CDC42BPA: variants seen among roughly 807,000 people sequenced by gnomAD.
CDC42BPA encodes serine/threonine-protein kinase MRCK alpha.
In CDC42BPA, 80 loss-of-function variants were observed where a neutral mutation model predicts 223.5. The ratio of observed to expected loss-of-function variants is 0.36; its 90% CI spans 0.30 to 0.43. The LOEUF (loss-of-function observed/expected upper bound fraction) is 0.43. Among genes scored for constraint, CDC42BPA ranks in the 20% least tolerant of loss-of-function variants. CDC42BPA has a pLI of 1.00. For missense variants in CDC42BPA, 1,743 were observed against 2,099.9 expected (o/e 0.83, Z 3.32); for synonymous variants, 694 against 718.6 (o/e 0.97, Z 0.55).
intron 2 of CDC42BPA, among the ~76,000 whole-genome samples, chr1:227,253,288 A>G (rs1178462897): frequency 6.9e-6 from 1 of 145,368 alleles, no homozygotes; most frequent in East Asian, 2.1e-4. Context: ...GTGCGCGTGC[A>G]TGTGTATCTT....
chr1:227,285,596 C>T (rs1688681226), intron 1 of CDC42BPA, among the ~76,000 whole-genome samples: 1 of 152,184 alleles, frequency 6.6e-6, no homozygotes, highest in Non-Finnish European at 1.5e-5. Context: ...TGATACTCTG[C>T]TTATCTTGAC....
rs1491340125 is a variant in CDC42BPA at position 227,268,668 on chromosome 1, A to ATATATATATGTGTATATATATATATATG, written c.179-14514_179-14513insCATATATATATATATACACATATATATA. Among the ~76,000 whole-genome samples, 111 of 144,404 alleles carry ATATATATATGTGTATATATATATATATG rather than the reference A, an allele frequency of 7.7e-4. 1 individual carries two copies. The highest frequency in any genetic ancestry group is 2.6e-3 in the African/African-American group (100 of 38,248). 94.7% of individuals were successfully genotyped at this position (144,404 alleles called of 152,430 possible). ...AGTGTGTGTGTATATATATATATAC[A>ATATATATATGTGTATATATATATATATG]TATATATATATACACACACACACTT... On this transcript the variant is annotated intron_variant, in intron 1 of 36. Coordinates refer to ENST00000366766, the MANE Select transcript of CDC42BPA (RefSeq NM_001394014.1).
At chr1:227,264,186 T>C (rs561555009) in intron 1 of CDC42BPA, among the ~76,000 whole-genome samples, 79 of 152,308 alleles carry the variant, frequency 5.2e-4, no homozygotes, top group African/African-American at 1.8e-3. Context: ...CAGCAAACAT[T>C]TGAGAGGATG....
At chr1:227,313,689 GA>G (rs1693892082) in intron 1 of CDC42BPA, among the ~76,000 whole-genome samples, 1 of 152,036 alleles carries the variant, frequency 6.6e-6, no homozygotes, top group African/African-American at 2.4e-5. Context: ...CAGCATATGT[GA>G]AGAACAAAAG....
chr1:227,239,131 G>T (rs1679592952), intron 2 of CDC42BPA, among the ~76,000 whole-genome samples: 2 of 152,202 alleles, frequency 1.3e-5, no homozygotes, highest in South Asian at 4.1e-4. Flanking sequence ...TAAAGATGTA[G>T]AGGAACCATA....
At chr1:227,077,505 A>G (rs1458318778) in intron 17 of CDC42BPA, among the ~76,000 whole-genome samples, 1 of 152,174 alleles carries the variant, frequency 6.6e-6, no homozygotes, top group Non-Finnish European at 1.5e-5. Context: ...TCTCCTCTAC[A>G]GAGCTGTTTC....
At chr1:227,112,529 T>A in intron 13 of CDC42BPA, 107 bp from the exon 14 acceptor site, 2 of 983,754 alleles carry the variant, frequency 2.0e-6, no homozygotes. Context: ...AATTCAAATG[T>A]TTAAATCCAT....
At chr1:227,263,452 T>C (rs1352952733) in intron 1 of CDC42BPA, among the ~76,000 whole-genome samples, 2 of 152,174 alleles carry the variant, frequency 1.3e-5, no homozygotes, top group African/African-American at 2.4e-5. Context: ...ATTTACAGCA[T>C]AGTGGTCATG....
intron 23 of CDC42BPA, among the ~76,000 whole-genome samples, chr1:227,045,672 T>G (rs1351096912): frequency 1.3e-5 from 2 of 152,228 alleles, no homozygotes; most frequent in East Asian, 3.8e-4. Context: ...AATTCTCAAA[T>G]TTATCTTGTG....
At chr1:227,059,871 C>T (rs886552650) in intron 21 of CDC42BPA, among the ~76,000 whole-genome samples, 1 of 152,002 alleles carries the variant, frequency 6.6e-6, no homozygotes, top group Non-Finnish European at 1.5e-5. Context: ...GTTAGGATTT[C>T]AGAATTAATG....
At chr1:227,120,380 C>T (rs2149444037) in intron 11 of CDC42BPA, among the ~76,000 whole-genome samples, 2 of 152,306 alleles carry the variant, frequency 1.3e-5, no homozygotes, top group East Asian at 3.9e-4. Flanking sequence ...AGTTTCACCA[C>T]TATTTATCTG....
Position 227,040,152 on chromosome 1 carries a change from T to G in CDC42BPA, c.3178A>C (p.Arg1060=). ...TTACCTTCACATGAACAGCCCTGTCTTATTAAACCCACCATCAAGGAGGTA... is the reference window on the plus strand; with the variant it reads ...TTACCTTCACATGAACAGCCCTGTCGTATTAAACCCACCATCAAGGAGGTA... ...QCTSLMVGLI[R]QGCSCEVCGF... is the part of the protein sequence containing the mutation. The change falls in exon 24 of 37, where the codon AGA becomes CGA. Residue 1060 remains arginine (R), a synonymous_variant. Coordinates refer to ENST00000366766, the MANE Select transcript of CDC42BPA (RefSeq NM_001394014.1). 1.2e-6 allele frequency: 2 copies of G among 1,609,204 alleles called. No homozygotes were observed. Among genetic ancestry groups the G allele is most frequent in the Non-Finnish European group, 1.7e-6 (2 of 1,175,692 alleles).
At chr1:227,044,755 A>T (rs1412682917) in intron 23 of CDC42BPA, among the ~76,000 whole-genome samples, 3 of 152,146 alleles carry the variant, frequency 2.0e-5, no homozygotes, top group Non-Finnish European at 1.5e-5. Flanking sequence ...TTTAGCTTAA[A>T]ATTTATATGT....
In CDC42BPA at chr1:227,224,159, T is replaced by G. The variant is rs558235530; in HGVS notation, c.271-10940A>C. On this transcript the variant is annotated intron_variant, in intron 2 of 36. Transcript: ENST00000366766. ...TCTGCTTATTAATAGTTTATAGGAC[T>G]CCAATTCCTGCAGAATAAAGGTCCT... Among the ~76,000 whole-genome samples, 4 of 152,218 alleles carry G rather than the reference T, an allele frequency of 2.6e-5. No individual in the cohort carries two copies. In the South Asian group the frequency reaches 8.3e-4, roughly 32 times the overall value.
intron 2 of CDC42BPA, among the ~76,000 whole-genome samples, chr1:227,248,645 C>A (rs1212104943): frequency 6.6e-6 from 1 of 151,812 alleles, no homozygotes. Context: ...ATTTATTTGT[C>A]CCCTACAAAA....
chr1:227,117,573 T>C (rs1343167584), intron 12 of CDC42BPA, among the ~76,000 whole-genome samples: 1 of 152,086 alleles, frequency 6.6e-6, no homozygotes, highest in Non-Finnish European at 1.5e-5. Context: ...CCTCAGCCTC[T>C]CAAAAGTGCC....
At chr1:227,194,708 T>C (rs1670378946) in intron 4 of CDC42BPA, among the ~76,000 whole-genome samples, 1 of 152,232 alleles carries the variant, frequency 6.6e-6, no homozygotes, top group Non-Finnish European at 1.5e-5. Context: ...TACATATACA[T>C]GTGTATTTGT....
chr1:227,309,336 T>C lies in CDC42BPA; in HGVS notation c.178+7669A>G, dbSNP rs892567004. Among the ~76,000 whole-genome samples, 5 of 152,212 alleles carry C rather than the reference T, an allele frequency of 3.3e-5. No homozygotes were observed. In the East Asian group the frequency reaches 7.7e-4, roughly 23 times the overall value. Reference sequence around the variant, plus strand: ...CCCAAAAACTCTGAACAAAAGTTAATAGTAACCACAGCTTTAATTGTTCAC... The same window carrying C: ...CCCAAAAACTCTGAACAAAAGTTAACAGTAACCACAGCTTTAATTGTTCAC... On this transcript the variant is annotated intron_variant, in intron 1 of 36. Coordinates refer to ENST00000366766, the MANE Select transcript of CDC42BPA (RefSeq NM_001394014.1).
chr1:227,304,287 TC>T (rs1692177782), intron 1 of CDC42BPA, among the ~76,000 whole-genome samples: 1 of 152,000 alleles, frequency 6.6e-6, no homozygotes, highest in Non-Finnish European at 1.5e-5. Flanking sequence ...ATGTCTGCAG[TC>T]CCAGCTACTC....
Sources: allele counts gnomAD v4.1 joint callset (sites outside exome capture counted in the v4.1 genomes callset), GRCh38; gene constraint gnomAD v4.1.1; transcripts MANE v1.5; gene names NCBI Gene and HGNC (gene_info 2026-07-23, HGNC 2026-07-21).